The following ATP2B2 variants were observed in gnomAD, a reference collection of about 807,000 sequenced individuals.
The protein encoded by ATP2B2 is plasma membrane calcium-transporting ATPase 2.
In ATP2B2, 15 loss-of-function variants were observed where a neutral mutation model predicts 120.0. The observed-to-expected ratio is 0.12, with a 90% confidence interval of 0.08 to 0.19. The LOEUF is 0.19. Among genes scored for constraint, ATP2B2 ranks in the 10% least tolerant of loss-of-function variants. The pLI, the probability that ATP2B2 is intolerant of heterozygous loss-of-function variation, is 1.00. For missense variants in ATP2B2, 1,045 were observed against 1,719.8 expected (o/e 0.61, Z 6.94); for synonymous variants, 694 against 700.3 (o/e 0.99, Z 0.14).
At chr3:10,471,557 AG>A (rs1168857335) in intron 1 of ATP2B2, among the ~76,000 whole-genome samples, 3 of 151,982 alleles carry the variant, frequency 2.0e-5, no homozygotes, top group African/African-American at 7.2e-5. Context: ...TTGAGAGGCT[AG>A]GAGTGGGAGG....
intron 1 of ATP2B2, among the ~76,000 whole-genome samples, chr3:10,450,784 T>C (rs934307877): frequency 6.6e-6 from 1 of 152,098 alleles, no homozygotes; most frequent in Non-Finnish European, 1.5e-5. Flanking sequence ...CGGCCACCCT[T>C]ACAGGAGTGC....
At chr3:10,401,678 T>C (rs2062224902) in intron 4 of ATP2B2, among the ~76,000 whole-genome samples, 1 of 152,198 alleles carries the variant, frequency 6.6e-6, no homozygotes, top group Non-Finnish European at 1.5e-5. Context: ...ACATCTCCTC[T>C]AGCCCAACAA....
At chr3:10,372,914 T>A (rs966577892) in intron 11 of ATP2B2, among the ~76,000 whole-genome samples, 2 of 152,266 alleles carry the variant, frequency 1.3e-5, no homozygotes, top group Admixed American at 1.3e-4. Context: ...CCTGACATAG[T>A]AGCTGAATCA....
intron 2 of ATP2B2, among the ~76,000 whole-genome samples, chr3:10,552,967 G>C (rs2067701261): frequency 6.6e-6 from 1 of 152,310 alleles, no homozygotes; most frequent in Non-Finnish European, 1.5e-5. Context: ...CGAAGGCAAG[G>C]AGGCAGAGAT....
At position 10,350,407 on chromosome 3, in the gene ATP2B2, C is replaced by T; in HGVS notation, c.2307G>A (p.Glu769=). 2 of 1,614,248 alleles carry T rather than the reference C, an allele frequency of 1.2e-6. No homozygotes were observed. Among genetic ancestry groups the T allele is most frequent in the Non-Finnish European group, 1.7e-6 (2 of 1,180,030 alleles). ...ACGTTGGGACACGCACCTCCCCCTT[C>T]TCGTTGCGGATCCTCCTGTTGAACT... The part of the protein sequence containing the change: ...GKEFNRRIRN[E]KGEIEQERID... Residue 769 remains glutamate, a synonymous_variant, in exon 15 of 23, where the codon GAG becomes GAA. Transcript: ENST00000360273.
intron 1 of ATP2B2, among the ~76,000 whole-genome samples, chr3:10,498,791 A>G (rs997888350): frequency 6.6e-6 from 1 of 152,180 alleles, no homozygotes; most frequent in Non-Finnish European, 1.5e-5. Context: ...CATAGGCTCC[A>G]CCAATCCCAT....
intron 3 of ATP2B2, among the ~76,000 whole-genome samples, chr3:10,516,851 G>A (rs953911205): frequency 1.3e-5 from 2 of 152,218 alleles, no homozygotes; most frequent in African/African-American, 4.8e-5. Context: ...CTGTGGAATT[G>A]TACGGTGAGC....
rs1463500671 is a variant in ATP2B2 at position 10,347,374 on chromosome 3, A to T, written c.2405-1237T>A. ...CTCTGAGGATCCCTGCCTGCCCTTA[A>T]TCAGATCCATGTAACTCTATGTGCT... On this transcript the variant is annotated intron_variant, in intron 16 of 22. Coordinates refer to ENST00000360273, the MANE Select transcript of ATP2B2 (RefSeq NM_001001331.4). This position sits in a 1 kb window ranked among gnomAD's most constrained non-coding sequence, Gnocchi z 5.2. Among the ~76,000 whole-genome samples, 1 of 152,164 alleles carries T rather than the reference A, an allele frequency of 6.6e-6. No individual in the cohort carries two copies. The highest frequency in any genetic ancestry group is 1.5e-5 in the Non-Finnish European group (1 of 68,028).
rs183820241 is a variant in ATP2B2, at chr3:10,578,811, G to A, written c.-415+41106C>T. ...TTGAGTGAAATAAGCCAGGCAGGAA[G>A]AGAACACACCATGCGATTCCATTTA... On this transcript the variant is annotated intron_variant, in intron 2 of 21. Transcript: ENST00000646379. Among the ~76,000 whole-genome samples, 9 of 152,260 alleles carry A rather than the reference G, an allele frequency of 5.9e-5. No homozygotes were observed. In the East Asian group the frequency reaches 1.5e-3, roughly 26 times the overall value.
At chr3:10,391,261 G>A (rs999409744) in intron 5 of ATP2B2, among the ~76,000 whole-genome samples, 2 of 152,188 alleles carry the variant, frequency 1.3e-5, no homozygotes, top group Admixed American at 6.5e-5. Flanking sequence ...GCAGAGCCTG[G>A]ACTTGAACTC....
chr3:10,474,575 C>T (rs1202289409), intron 1 of ATP2B2, among the ~76,000 whole-genome samples: 2 of 152,204 alleles, frequency 1.3e-5, no homozygotes, highest in Admixed American at 6.5e-5. Context: ...AGGTGCCTTG[C>T]TTGGCTCCCA....
chr3:10,634,829 T>TA (rs1288129442), intron 1 of ATP2B2, among the ~76,000 whole-genome samples: 1 of 152,204 alleles, frequency 6.6e-6, no homozygotes, highest in Non-Finnish European at 1.5e-5. Context: ...ACTCCACCAT[T>TA]AGCATGCGTG....
intron 1 of ATP2B2, among the ~76,000 whole-genome samples, chr3:10,684,776 C>G (rs1478995328): frequency 6.6e-6 from 1 of 152,194 alleles, no homozygotes; most frequent in East Asian, 1.9e-4. Flanking sequence ...AGGGGTCACA[C>G]TAGCAACAAA....
intron 1 of ATP2B2, among the ~76,000 whole-genome samples, chr3:10,504,197 C>T (rs1158245216): frequency 6.6e-6 from 1 of 151,214 alleles, no homozygotes; most frequent in Non-Finnish European, 1.5e-5. Flanking sequence ...CCCAGAGCTG[C>T]AGCCCCTTCT....
At chr3:10,431,051 T>C (rs2063300020) in intron 2 of ATP2B2, among the ~76,000 whole-genome samples, 1 of 151,974 alleles carries the variant, frequency 6.6e-6, no homozygotes, top group Admixed American at 6.5e-5. Context: ...CGTGAAGATA[T>C]GAGTGAATTG....
chr3:10,333,716 G>A (rs1016232297), intron 22 of ATP2B2, among the ~76,000 whole-genome samples: 21 of 152,186 alleles, frequency 1.4e-4, no homozygotes, highest in Non-Finnish European at 7.3e-5. Flanking sequence ...GGGGGAATGC[G>A]AGATTCTCCA....
intron 8 of ATP2B2, 38 bp downstream of exon 8, chr3:10,385,230 A>G: frequency 2.5e-6 from 4 of 1,606,230 alleles, no homozygotes; most frequent in Non-Finnish European, 2.6e-6. Context: ...AGAGACGCCC[A>G]TCCAACCATG....
intron 1 of ATP2B2, among the ~76,000 whole-genome samples, chr3:10,663,917 G>A (rs564971842): frequency 6.6e-6 from 1 of 152,236 alleles, no homozygotes; most frequent in East Asian, 1.9e-4. Context: ...TTCCTGCTCT[G>A]TCCTTAGGAG....
chr3:10,585,530 G>A (rs1431572591), intron 2 of ATP2B2, among the ~76,000 whole-genome samples: 2 of 128,950 alleles, frequency 1.6e-5, no homozygotes, highest in East Asian at 3.2e-4. Context: ...TCCAGTGAGA[G>A]CTCCATTCGC....
Sources: gnomAD v4.1 joint callset for allele counts (sites outside exome capture counted in the v4.1 genomes callset) on GRCh38, gnomAD v4.1.1 for gene constraint, Gnocchi (gnomAD v3.1) non-coding constraint, MANE v1.5 for transcripts, NCBI Gene and HGNC (gene_info 2026-07-23, HGNC 2026-07-21) for gene names.